The following TENM3 variants were observed in gnomAD, a reference collection of about 807,000 sequenced individuals.
The protein encoded by TENM3 is teneurin transmembrane protein 3, also known as teneurin-3.
A neutral mutation model predicts 255.1 loss-of-function variants in TENM3; 63 were observed. The ratio of observed to expected loss-of-function variants is 0.25; its 90% CI spans 0.20 to 0.30. The LOEUF is 0.30. Among genes scored for constraint, TENM3 ranks in the 10% least tolerant of loss-of-function variants. The probability of loss-of-function intolerance (pLI) is 1.00; values close to 1 mark genes in which losing one functional copy is unlikely to be tolerated. For missense variants in TENM3, 2,929 were observed against 3,461.1 expected, an observed-to-expected ratio of 0.85 and a Z score of 3.86; for synonymous variants, 1,306 against 1,322.3, an observed-to-expected ratio of 0.99 and a Z score of 0.27.
chr4:182,775,203 C>A, intron 24 of TENM3, 50 bp downstream of exon 24: 1 of 1,552,174 alleles, frequency 6.4e-7, no homozygotes, highest in Non-Finnish European at 8.9e-7. Flanking sequence ...CTGATCTGTG[C>A]AGATCATCCT....
chr4:182,112,427 C>CTAA, the TENM3 span, among the ~76,000 whole-genome samples: 1 of 152,146 alleles, frequency 6.6e-6, no homozygotes, highest in Non-Finnish European at 1.5e-5. Flanking sequence ...AACATTATCA[C>CTAA]TAATAGTGTT....
intron 22 of TENM3, among the ~76,000 whole-genome samples, chr4:182,764,125 T>C (rs1763456246): frequency 6.6e-6 from 1 of 152,260 alleles, no homozygotes; most frequent in African/African-American, 2.4e-5. Context: ...TGAAAGTCTT[T>C]TCCATGCTAC....
chr4:182,246,755 C>T (rs1018792105), intron 1 of TENM3, among the ~76,000 whole-genome samples: 6 of 152,262 alleles, frequency 3.9e-5, no homozygotes, highest in African/African-American at 7.2e-5. Context: ...CGTTCCCTCC[C>T]TCTCGTCCTT....
the TENM3 span, among the ~76,000 whole-genome samples, chr4:181,935,903 G>A: frequency 8.5e-5 from 13 of 152,200 alleles, no homozygotes; most frequent in East Asian, 9.7e-4. Context: ...TCTGGGTTCC[G>A]AATGCATTTG....
rs114170536 is a variant in TENM3 at position 182,296,935 on chromosome 4, C to G, written c.-75-27011C>G. On this transcript the variant is annotated intron_variant, in intron 1 of 27. Transcript: ENST00000511685. The stretch of plus-strand genomic sequence containing the variant: ...AATAAAACATAGATTTCCATTGATT[C>G]GGAAGGGAAAGAAGATACTAGAACG... 6.8e-3 allele frequency among the ~76,000 whole-genome samples: 1,038 copies of G among 152,032 alleles called. 12 individuals are homozygous for G. The highest frequency in any genetic ancestry group is 0.023 in the African/African-American group (971 of 41,464).
intron 3 of TENM3, among the ~76,000 whole-genome samples, chr4:182,392,430 T>C (rs1291464932): frequency 5.3e-5 from 8 of 152,232 alleles, no homozygotes; most frequent in Admixed American, 5.2e-4. Flanking sequence ...AGTGTAACTT[T>C]AATGGGTTTA....
At chr4:181,984,852 T>C in the TENM3 span, among the ~76,000 whole-genome samples, 2 of 148,616 alleles carry the variant, frequency 1.3e-5, no homozygotes, top group Non-Finnish European at 3.0e-5. Context: ...AATAAATGCA[T>C]TTGACTACTA....
chr4:181,605,584 G>GAAAGAAAAGAAAGAGAGAGAGAGAGA, the TENM3 span, among the ~76,000 whole-genome samples: 1 of 69,194 alleles, frequency 1.4e-5, no homozygotes, highest in African/African-American at 5.7e-5. Flanking sequence ...GAGAAAGAAA[G>GAAAGAAAAGAAAGAGAGAGAGAGAGA]GAAAGAAAGA....
chr4:181,489,005 G>A, the TENM3 span, among the ~76,000 whole-genome samples: 144 of 152,124 alleles, frequency 9.5e-4, no homozygotes, highest in Non-Finnish European at 1.8e-3. Flanking sequence ...TCTGAGCCTT[G>A]CAATAATATC....
the TENM3 span, among the ~76,000 whole-genome samples, chr4:181,512,104 C>G: frequency 6.6e-6 from 1 of 152,264 alleles, no homozygotes; most frequent in African/African-American, 2.4e-5. Context: ...TACTGGCCCT[C>G]ATGAGGTCAA....
rs74812619 is a variant in TENM3 at position 182,436,191 on chromosome 4, G to A, written c.511+89262G>A. Among the ~76,000 whole-genome samples, 234 of 152,282 alleles carry A rather than the reference G, an allele frequency of 1.5e-3. 1 individual carries two copies. Among genetic ancestry groups the A allele is most frequent in the Middle Eastern group, 6.8e-3 (2 of 294 alleles). ...TCTCTCCACTTCTTTGCTTAAGGGAGTATGGGGAGTCATGTTAACAATATT... is the reference window on the plus strand; with the variant it reads ...TCTCTCCACTTCTTTGCTTAAGGGAATATGGGGAGTCATGTTAACAATATT... On this transcript the variant is annotated intron_variant, in intron 3 of 27. Coordinates refer to ENST00000511685, the MANE Select transcript of TENM3 (RefSeq NM_001080477.4).
rs145704928 is a variant in TENM3, at chr4:182,710,151, C to A, written c.2222-3936C>A. Among the ~76,000 whole-genome samples, 731 of 152,230 alleles carry A rather than the reference C, an allele frequency of 4.8e-3. 7 individuals carry two copies. The highest frequency in any genetic ancestry group is 6.7e-3 in the Non-Finnish European group (453 of 68,006). On this transcript the variant is annotated intron_variant, in intron 12 of 27. Transcript: ENST00000511685. ...CTAACGTAAAAGCAAAAGGTTTACT[C>A]TCTAACAGTGATCAGCGTTATTAAT... is the stretch of plus-strand genomic sequence containing the variant.
At chr4:182,777,209 C>G (rs909411349) in intron 24 of TENM3, among the ~76,000 whole-genome samples, 1 of 152,118 alleles carries the variant, frequency 6.6e-6, no homozygotes, top group African/African-American at 2.4e-5. Flanking sequence ...GATGCCACCT[C>G]TCTTACCTTG....
At chr4:182,279,984 C>T (rs1477115687) in intron 1 of TENM3, among the ~76,000 whole-genome samples, 3 of 152,194 alleles carry the variant, frequency 2.0e-5, no homozygotes, top group Non-Finnish European at 4.4e-5. Context: ...AGACTTTCTC[C>T]ACCAGTGACC....
At chr4:181,625,766 A>G in the TENM3 span, among the ~76,000 whole-genome samples, 1 of 152,040 alleles carries the variant, frequency 6.6e-6, no homozygotes, top group African/African-American at 2.4e-5. Context: ...GTGAGCCGAG[A>G]TGGTGCCACT....
At chr4:181,498,855 G>A in the TENM3 span, among the ~76,000 whole-genome samples, 9 of 152,092 alleles carry the variant, frequency 5.9e-5, no homozygotes, top group East Asian at 9.7e-4. Flanking sequence ...GATTAGTAAG[G>A]CGTTAACTAG....
the TENM3 span, among the ~76,000 whole-genome samples, chr4:181,915,031 G>T: frequency 6.6e-6 from 1 of 152,132 alleles, no homozygotes; most frequent in Non-Finnish European, 1.5e-5. Context: ...GCCCTGGGCC[G>T]TTTTTTCCCA....
At chr4:181,548,579 T>C in the TENM3 span, among the ~76,000 whole-genome samples, 1 of 152,192 alleles carries the variant, frequency 6.6e-6, no homozygotes, top group Non-Finnish European at 1.5e-5. Context: ...TTCTCAGAAA[T>C]ATAATTTCCA....
At chr4:182,117,765 C>G in the TENM3 span, among the ~76,000 whole-genome samples, 2 of 152,066 alleles carry the variant, frequency 1.3e-5, no homozygotes, top group Admixed American at 6.5e-5. Flanking sequence ...CTTTAATATT[C>G]TGGATATTTT....
Sources: allele counts gnomAD v4.1 joint callset (sites outside exome capture counted in the v4.1 genomes callset), GRCh38; gene constraint gnomAD v4.1.1; transcripts MANE v1.5; gene names NCBI Gene and HGNC (gene_info 2026-07-23, HGNC 2026-07-21).